Variants in PRKCB observed in about 807,000 individuals in gnomAD.
PRKCB encodes protein kinase C beta type.
A neutral mutation model predicts 81.5 loss-of-function variants in PRKCB; 13 were observed. The ratio of observed to expected loss-of-function variants is 0.16; its 90% CI spans 0.10 to 0.25. The LOEUF is 0.25. Among genes scored for constraint, PRKCB ranks in the 10% least tolerant of loss-of-function variants. The probability of loss-of-function intolerance (pLI) is 1.00; values close to 1 mark genes in which losing one functional copy is unlikely to be tolerated. For synonymous variants in PRKCB, 335 were observed against 321.4 expected (o/e 1.04, Z -0.45); for missense variants, 509 against 875.7 (o/e 0.58, Z 5.29).
chr16:24,184,390 G>A (rs187411435), intron 13 of PRKCB, among the ~76,000 whole-genome samples: 46 of 152,012 alleles, frequency 3.0e-4, no homozygotes, highest in Non-Finnish European at 2.5e-4. Flanking sequence ...GGCCAAGGCT[G>A]TGAGCTGTGA....
chr16:24,028,004 A>G (rs1965504042), intron 3 of PRKCB, among the ~76,000 whole-genome samples: 1 of 152,172 alleles, frequency 6.6e-6, no homozygotes, highest in African/African-American at 2.4e-5. Flanking sequence ...TCCTGGGTTC[A>G]AGCTCAAGCA....
chr16:23,982,899 C>T (rs937761931), intron 2 of PRKCB, among the ~76,000 whole-genome samples: 2 of 152,192 alleles, frequency 1.3e-5, no homozygotes, highest in East Asian at 3.9e-4. Context: ...CACCTGGCCC[C>T]TAGGCATTTG....
chr16:24,165,974 C>CA (rs1967341255), intron 10 of PRKCB, among the ~76,000 whole-genome samples: 1 of 148,946 alleles, frequency 6.7e-6, no homozygotes, highest in Non-Finnish European at 1.5e-5. Context: ...GCAACCTCCA[C>CA]ATCCTGGGAT....
chr16:24,003,237 G>C lies in PRKCB; in HGVS notation c.288+14647G>C, dbSNP rs368914661. 1.9e-4 allele frequency among the ~76,000 whole-genome samples: 29 copies of C among 152,188 alleles called. 1 individual carries two copies. The South Asian group carries it at 5.4e-3, about 28-fold the overall frequency. ...CACTCTTCACTTTAGTATGCCATCT[G>C]TTTCCTGCGGGGCCCCTGACTGATG... is the stretch of plus-strand genomic sequence containing the variant. On this transcript the variant is annotated intron_variant, in intron 3 of 16. Coordinates refer to ENST00000643927, the MANE Select transcript of PRKCB (RefSeq NM_002738.7).
At chr16:24,210,163 C>G (rs925202819) in intron 16 of PRKCB, among the ~76,000 whole-genome samples, 1 of 152,100 alleles carries the variant, frequency 6.6e-6, no homozygotes, top group Non-Finnish European at 1.5e-5. Context: ...TCATATCATT[C>G]AGGGCTCAAC....
rs562358822 is a variant in PRKCB at position 23,997,375 on chromosome 16, T to A, written c.288+8785T>A. ...AACTCAATACAGGCAAAACTATGAATGGCCCAGACCCTTTAAGAATGAAGG... is the reference window on the plus strand; with the variant it reads ...AACTCAATACAGGCAAAACTATGAAAGGCCCAGACCCTTTAAGAATGAAGG... On this transcript the variant is annotated intron_variant, in intron 3 of 16. Coordinates refer to ENST00000643927, the MANE Select transcript of PRKCB (RefSeq NM_002738.7). Among the ~76,000 whole-genome samples the A allele has an allele frequency of 3.3e-5, 5 of 152,322 alleles. No individual in the cohort carries two copies. The East Asian group carries it at 9.6e-4, about 29-fold the overall frequency.
chr16:24,086,419 A>G (rs1966311426), intron 5 of PRKCB, among the ~76,000 whole-genome samples: 1 of 152,210 alleles, frequency 6.6e-6, no homozygotes, highest in Non-Finnish European at 1.5e-5. Context: ...AACCCTGGTT[A>G]GGGCATGTGC....
chr16:23,965,772 CCT>C (rs1964480085), intron 2 of PRKCB, among the ~76,000 whole-genome samples: 1 of 152,194 alleles, frequency 6.6e-6, no homozygotes, highest in African/African-American at 2.4e-5. Context: ...GCTGATGCCT[CCT>C]CTCTCTGTCC....
At chr16:24,086,793 T>G (rs1273151786) in intron 5 of PRKCB, among the ~76,000 whole-genome samples, 1 of 152,164 alleles carries the variant, frequency 6.6e-6, no homozygotes. Context: ...TTAAATCAAT[T>G]TTGGGTATAT....
At chr16:23,901,584 C>T (rs1275939579) in intron 2 of PRKCB, among the ~76,000 whole-genome samples, 2 of 152,152 alleles carry the variant, frequency 1.3e-5, no homozygotes. Flanking sequence ...ATTTCTCCAG[C>T]CCATCTCTCT....
chr16:23,926,505 TAAATAAAAATA>T (rs980602123), intron 2 of PRKCB, among the ~76,000 whole-genome samples: 2 of 151,194 alleles, frequency 1.3e-5, no homozygotes, highest in African/African-American at 4.9e-5. Flanking sequence ...AATAAATAAA[TAAATAAAAATA>T]AAATCAAAGG....
intron 2 of PRKCB, among the ~76,000 whole-genome samples, chr16:23,987,489 C>T (rs1964817636): frequency 6.6e-6 from 1 of 151,944 alleles, no homozygotes; most frequent in Non-Finnish European, 1.5e-5. Context: ...TCTGTATTTG[C>T]ATCAAGAGAC....
intron 2 of PRKCB, among the ~76,000 whole-genome samples, chr16:23,955,974 T>C (rs1428712498): frequency 6.6e-6 from 1 of 152,206 alleles, no homozygotes; most frequent in Non-Finnish European, 1.5e-5. Context: ...CATAAAAGAC[T>C]GTGATGATGT....
chr16:24,133,196 A>G (rs1567386860), intron 9 of PRKCB, among the ~76,000 whole-genome samples: 2 of 152,190 alleles, frequency 1.3e-5, no homozygotes, highest in Middle Eastern at 3.4e-3. Context: ...GGGAGACCCC[A>G]TCTCTATAAA....
chr16:24,131,561 T>C (rs1473691957), intron 9 of PRKCB, among the ~76,000 whole-genome samples: 1 of 152,374 alleles, frequency 6.6e-6, no homozygotes, highest in Non-Finnish European at 1.5e-5. Flanking sequence ...GCACCTGTTA[T>C]GGGTTTTTCC....
chr16:24,197,954 G>A (rs150219833), intron 16 of PRKCB, among the ~76,000 whole-genome samples: 13 of 152,296 alleles, frequency 8.5e-5, no homozygotes, highest in East Asian at 5.8e-4. Flanking sequence ...GATACAGAGC[G>A]CTGGCTTGCA....
chr16:23,839,062 G>C (rs939311358), intron 2 of PRKCB, among the ~76,000 whole-genome samples: 1 of 152,138 alleles, frequency 6.6e-6, no homozygotes, highest in Non-Finnish European at 1.5e-5. Flanking sequence ...GATCGGGGGC[G>C]ATTTTTAAAC....
chr16:23,875,288 C>G (rs1962975878), intron 2 of PRKCB, among the ~76,000 whole-genome samples: 1 of 151,916 alleles, frequency 6.6e-6, no homozygotes, highest in Non-Finnish European at 1.5e-5. Context: ...ATCCTCCCAG[C>G]TCAGTCTCCC....
chr16:24,094,322 C>G (rs756663549), intron 7 of PRKCB, 25 bp downstream of exon 7: 2 of 1,612,824 alleles, frequency 1.2e-6, no homozygotes, highest in African/African-American at 1.3e-5. Context: ...GCCTTGAAAG[C>G]TACCATACAG....
Sources: gnomAD v4.1 joint callset for allele counts (sites outside exome capture counted in the v4.1 genomes callset) on GRCh38, gnomAD v4.1.1 for gene constraint, MANE v1.5 for transcripts, NCBI Gene and HGNC (gene_info 2026-07-23, HGNC 2026-07-21) for gene names.